Variants in KSR1 observed in about 807,000 individuals in gnomAD.
KSR1 encodes kinase suppressor of ras 1, also known as kinase suppressor of ras.
A neutral mutation model predicts 92.9 loss-of-function variants in KSR1; 35 were observed. That is an observed-to-expected ratio of 0.38 (90% CI 0.29 to 0.50). The LOEUF is 0.50. KSR1 is among the 20% of genes least tolerant of loss of function. KSR1 has a pLI of 0.94. For missense variants in KSR1, 972 were observed against 1,158.5 expected (o/e 0.84, Z 2.34); for synonymous variants, 467 against 472.6 (o/e 0.99, Z 0.15).
At chr17:27,579,935 G>A (rs1322833810) in intron 3 of KSR1, 1 of 137,680 alleles carries the variant, frequency 7.3e-6, no homozygotes, top group Non-Finnish European at 1.5e-5. Flanking sequence ...GGTTGTCTGT[G>A]CTGGTGAATA....
intron 19 of KSR1, among the ~76,000 whole-genome samples, chr17:27,618,426 G>A (rs1488857378): frequency 2.0e-5 from 3 of 152,184 alleles, no homozygotes; most frequent in African/African-American, 2.4e-5. Context: ...CAGTTTCCAC[G>A]GCATTAAAAA....
chr17:27,570,746 G>T (rs983756177), intron 2 of KSR1, among the ~76,000 whole-genome samples: 1 of 152,150 alleles, frequency 6.6e-6, no homozygotes. Flanking sequence ...GCCGTGCTGT[G>T]GCCACATCTG....
chr17:27,519,024 T>C (rs1469938502), intron 1 of KSR1, among the ~76,000 whole-genome samples: 1 of 152,200 alleles, frequency 6.6e-6, no homozygotes, highest in Non-Finnish European at 1.5e-5. Context: ...AGGGCTGCGC[T>C]TGCTGCAGGC....
chr17:27,500,161 C>G (rs2069126097), intron 1 of KSR1, among the ~76,000 whole-genome samples: 1 of 152,188 alleles, frequency 6.6e-6, no homozygotes, highest in Non-Finnish European at 1.5e-5. Flanking sequence ...ATAAAGAGTG[C>G]AGGGGTCAGT....
At chr17:27,469,770 A>G (rs928050034) in intron 1 of KSR1, among the ~76,000 whole-genome samples, 1 of 151,978 alleles carries the variant, frequency 6.6e-6, no homozygotes, top group Non-Finnish European at 1.5e-5. Flanking sequence ...CCTTTTGGTC[A>G]TTTTAGTTGC....
chr17:27,507,349 C>T (rs979193508), intron 1 of KSR1, among the ~76,000 whole-genome samples: 1 of 151,996 alleles, frequency 6.6e-6, no homozygotes, highest in African/African-American at 2.4e-5. Context: ...AGAAGAATTG[C>T]TTGAACCCGG....
At chr17:27,475,157 C>T (rs2068302156) in intron 1 of KSR1, among the ~76,000 whole-genome samples, 1 of 152,134 alleles carries the variant, frequency 6.6e-6, no homozygotes. Context: ...GGGAGTGAAC[C>T]AGGGTTGTTG....
Position 27,559,462 on chromosome 17 carries a change from T to C in KSR1, c.372+8754T>C, listed in dbSNP as rs992880017. On this transcript the variant is annotated intron_variant, in intron 2 of 20. Transcript: ENST00000644974. This position sits in a 1 kb window ranked among gnomAD's most constrained non-coding sequence, Gnocchi z 4.2. ...GTGGCAGCCCTTAGCCATATGTGGC[T>C]TGGGGACACTTGAAATGTGTATAGT... Among the ~76,000 whole-genome samples the C allele has an allele frequency of 3.9e-5, 6 of 152,380 alleles. No homozygotes were observed. The highest frequency in any genetic ancestry group is 2.6e-4 in the Admixed American group (4 of 15,308).
At chr17:27,530,436 C>T (rs964772186) in intron 1 of KSR1, among the ~76,000 whole-genome samples, 1 of 151,828 alleles carries the variant, frequency 6.6e-6, no homozygotes, top group African/African-American at 2.4e-5. Context: ...CAGAGTGAGA[C>T]CCTGTCTCAA....
intron 1 of KSR1, among the ~76,000 whole-genome samples, chr17:27,545,171 C>T (rs992773996): frequency 2.6e-5 from 4 of 152,190 alleles, no homozygotes; most frequent in African/African-American, 7.2e-5. Flanking sequence ...TACCCATGGG[C>T]CTGCTTTGGG....
intron 1 of KSR1, among the ~76,000 whole-genome samples, chr17:27,504,340 A>G (rs1338503682): frequency 6.6e-6 from 1 of 152,184 alleles, no homozygotes; most frequent in African/African-American, 2.4e-5. Flanking sequence ...GAATATTTCC[A>G]GGGCAAAGTC....
intron 5 of KSR1, chr17:27,587,579 C>T (rs2073014246): frequency 6.6e-6 from 1 of 152,240 alleles, no homozygotes; most frequent in African/African-American, 2.4e-5. Context: ...AGAGAAAAGT[C>T]TACAACATTC....
Position 27,608,050 on chromosome 17 carries a change from G to A in KSR1, c.2091+40G>A, listed in dbSNP as rs752178944. The A allele has an allele frequency of 1.1e-4, 153 of 1,438,008 alleles. No homozygotes were observed. The Admixed American group carries it at 2.0e-3, about 19-fold the overall frequency. 89.1% of individuals were successfully genotyped at this position (1,438,008 alleles called of 1,614,324 possible). A position where few individuals can be genotyped will look rare whatever the true frequency, so the allele number is the denominator to read the frequency against. ...AGCTGCTGGGGGTGGGTTTCTGGCCGGTTCCAGGGCTCTCGGCTGTTCCTC... is the reference window on the plus strand; with the variant it reads ...AGCTGCTGGGGGTGGGTTTCTGGCCAGTTCCAGGGCTCTCGGCTGTTCCTC... On this transcript the variant is annotated intron_variant, in intron 15 of 20. Coordinates refer to ENST00000644974, the MANE Select transcript of KSR1 (RefSeq NM_001394583.1).
chr17:27,465,487 CCTGGGCGA>C (rs2019650810), intron 1 of KSR1: 3 of 152,050 alleles, frequency 2.0e-5, no homozygotes, highest in East Asian at 3.9e-4. Flanking sequence ...TCCAGACCAG[CCTGGGCGA>C]CATACTGAGA....
intron 1 of KSR1, among the ~76,000 whole-genome samples, chr17:27,545,106 A>G (rs570597448): frequency 6.6e-6 from 1 of 152,282 alleles, no homozygotes; most frequent in East Asian, 1.9e-4. Flanking sequence ...ACAGCTAGCC[A>G]GGTTTATGGG....
intron 2 of KSR1, chr17:27,560,498 C>T (rs533449137): frequency 5.6e-5 from 29 of 518,950 alleles, no homozygotes; most frequent in South Asian, 3.9e-4. Context: ...ACATGTTTCT[C>T]TTTCCGCTCT....
At chr17:27,597,207 C>G (rs2073372397) in intron 9 of KSR1, 61 bp from the exon 10 acceptor site, 2 of 1,520,024 alleles carry the variant, frequency 1.3e-6, no homozygotes, top group Admixed American at 4.0e-5. Flanking sequence ...GAGGGTGTGG[C>G]TGGTGGGAGG....
intron 14 of KSR1, among the ~76,000 whole-genome samples, chr17:27,606,701 C>T (rs1300595104): frequency 2.0e-5 from 3 of 151,808 alleles, no homozygotes; most frequent in Non-Finnish European, 4.4e-5. Flanking sequence ...AATGTTATCT[C>T]CTGGAGTGGA....
At chr17:27,592,334 G>A in intron 7 of KSR1, 27 bp from the exon 8 acceptor site, 1 of 1,609,116 alleles carries the variant, frequency 6.2e-7, no homozygotes, top group Admixed American at 1.7e-5. Context: ...GTGGTGCTTT[G>A]CACACCAACC....
Sources: allele counts gnomAD v4.1 joint callset (sites outside exome capture counted in the v4.1 genomes callset), GRCh38; gene constraint gnomAD v4.1.1; non-coding constraint Gnocchi (gnomAD v3.1); transcripts MANE v1.5; gene names NCBI Gene and HGNC (gene_info 2026-07-23, HGNC 2026-07-21).